Variants in TRMT9B observed in about 807,000 individuals in gnomAD.
The protein encoded by TRMT9B is tRNA methyltransferase 9B (putative).
In TRMT9B, 16 loss-of-function variants were observed where a neutral mutation model predicts 11.5. The ratio of observed to expected loss-of-function variants is 1.39; its 90% CI spans 0.94 to 2.11. The LOEUF (loss-of-function observed/expected upper bound fraction) is 2.11. Among genes scored for constraint, TRMT9B ranks in the 30% most tolerant of loss-of-function variants. TRMT9B has a pLI of 0.00. For missense variants in TRMT9B, 941 were observed against 553.8 expected (o/e 1.70, Z -7.02); for synonymous variants, 274 against 192.4 (o/e 1.42, Z -3.51).
At chr8:13,001,196 T>C (rs187075553) in intron 2 of TRMT9B, among the ~76,000 whole-genome samples, 1 of 152,318 alleles carries the variant, frequency 6.6e-6, no homozygotes, top group Admixed American at 6.5e-5. Flanking sequence ...CTCCAAGTGA[T>C]CACAACCAAC....
At chr8:13,011,566 A>G in intron 3 of TRMT9B, 1 of 932,440 alleles carries the variant, frequency 1.1e-6, no homozygotes, top group Non-Finnish European at 1.3e-6. Flanking sequence ...TCTGTGATAG[A>G]ATATAATACT....
intron 2 of TRMT9B, among the ~76,000 whole-genome samples, chr8:12,995,263 G>A (rs1339127662): frequency 6.6e-6 from 1 of 152,202 alleles, no homozygotes; most frequent in Non-Finnish European, 1.5e-5. Context: ...GCTGCAGTTA[G>A]AAGCAGTCAA....
chr8:13,007,709 G>C (rs1810743187), intron 3 of TRMT9B: 1 of 152,144 alleles, frequency 6.6e-6, no homozygotes. Flanking sequence ...ATCTAAGTAA[G>C]CCACGTACCA....
intron 1 of TRMT9B, among the ~76,000 whole-genome samples, chr8:12,972,025 C>G (rs978143513): frequency 5.9e-5 from 9 of 152,096 alleles, no homozygotes; most frequent in African/African-American, 1.9e-4. Context: ...ATGTTTTGCA[C>G]AATAGCGCAA....
chr8:12,991,798 G>A (rs1329310441), intron 2 of TRMT9B, among the ~76,000 whole-genome samples: 1 of 152,082 alleles, frequency 6.6e-6, no homozygotes, highest in Admixed American at 6.6e-5. Context: ...AGGCGTGGTG[G>A]TGGGCGCCTG....
chr8:12,949,021 C>T (rs1351014669), intron 1 of TRMT9B, among the ~76,000 whole-genome samples: 1 of 152,218 alleles, frequency 6.6e-6, no homozygotes, highest in South Asian at 2.1e-4. Context: ...TGTCTAATTT[C>T]TGTTGAGACT....
intron 1 of TRMT9B, among the ~76,000 whole-genome samples, chr8:12,987,438 C>G (rs187062103): frequency 6.6e-6 from 1 of 152,110 alleles, no homozygotes; most frequent in South Asian, 2.1e-4. Context: ...CTTCTGTAAT[C>G]CCAGCATTTC....
At chr8:13,018,830 C>T (rs1223181510) in intron 4 of TRMT9B, among the ~76,000 whole-genome samples, 2 of 152,030 alleles carry the variant, frequency 1.3e-5, no homozygotes, top group Admixed American at 1.3e-4. Context: ...CACAGTCTTC[C>T]AAGGCTTAGA....
At chr8:12,957,908 T>C (rs1044075788) in intron 1 of TRMT9B, among the ~76,000 whole-genome samples, 1 of 152,174 alleles carries the variant, frequency 6.6e-6, no homozygotes, top group Non-Finnish European at 1.5e-5. Context: ...TTTTATCTTC[T>C]CAAAGTGAAA....
intron 4 of TRMT9B, among the ~76,000 whole-genome samples, chr8:13,020,329 A>C (rs563104299): frequency 1.7e-4 from 26 of 152,370 alleles, no homozygotes; most frequent in African/African-American, 6.3e-4. Context: ...AGATAAAATT[A>C]TGCCTAATAA....
In TRMT9B at chr8:13,028,191, C is replaced by T. The variant is rs541428601; in HGVS notation, c.*6147C>T. The T allele has an allele frequency of 6.0e-6, 1 of 167,146 alleles. No individual in the cohort carries two copies. The highest frequency in any genetic ancestry group is 2.1e-4 in the South Asian group (1 of 4,824). The allele number at this position is 167,146 out of a possible 1,614,324, so 10.4% of individuals were successfully genotyped here. ...CTGTCCTCTTGTGGTGCGGGTCTTC[C>T]CCAGTTGATTATACACAGATAATCA... On this transcript the variant is annotated 3_prime_UTR_variant, in exon 5 of 5. Coordinates refer to ENST00000524591, the MANE Select transcript of TRMT9B (RefSeq NM_020844.3).
At chr8:12,955,449 A>AG (rs569881336) in intron 1 of TRMT9B, among the ~76,000 whole-genome samples, 175 of 151,972 alleles carry the variant, frequency 1.2e-3, no homozygotes, top group Non-Finnish European at 1.9e-3. Flanking sequence ...TTTTCTCTCT[A>AG]GGGGTCCCGA....
intron 1 of TRMT9B, among the ~76,000 whole-genome samples, chr8:12,984,067 G>C (rs1412641457): frequency 6.6e-6 from 1 of 152,202 alleles, no homozygotes; most frequent in Non-Finnish European, 1.5e-5. Flanking sequence ...CACATGGGTG[G>C]CTGAGATAGT....
chr8:12,994,150 G>A (rs1807906727), intron 2 of TRMT9B, among the ~76,000 whole-genome samples: 1 of 152,186 alleles, frequency 6.6e-6, no homozygotes, highest in African/African-American at 2.4e-5. Context: ...AGGAACAGAG[G>A]ATAAACAGAA....
chr8:12,954,943 C>G (rs562143499), intron 1 of TRMT9B, among the ~76,000 whole-genome samples: 32 of 152,292 alleles, frequency 2.1e-4, no homozygotes, highest in African/African-American at 7.0e-4. Context: ...ATAATGACAC[C>G]TCCCCAGGTG....
At chr8:13,001,274 T>C (rs986161768) in intron 2 of TRMT9B, among the ~76,000 whole-genome samples, 1 of 152,190 alleles carries the variant, frequency 6.6e-6, no homozygotes, top group Non-Finnish European at 1.5e-5. Flanking sequence ...GTCTCACCCA[T>C]GGACTGGTTC....
intron 4 of TRMT9B, 99 bp downstream of exon 4, chr8:13,012,956 C>A: frequency 1.5e-6 from 2 of 1,324,148 alleles, no homozygotes; most frequent in Non-Finnish European, 2.0e-6. Context: ...GTAGAAATGT[C>A]AATGTAATTT....
chr8:13,010,690 A>C, intron 3 of TRMT9B: 2 of 984,864 alleles, frequency 2.0e-6, no homozygotes, highest in Non-Finnish European at 2.4e-6. Flanking sequence ...TGATTTTATT[A>C]ATATCATTGA....
At chr8:12,952,929 G>T (rs199866427) in intron 1 of TRMT9B, among the ~76,000 whole-genome samples, 1 of 152,098 alleles carries the variant, frequency 6.6e-6, no homozygotes, top group Admixed American at 6.5e-5. Context: ...TACTAGAGAC[G>T]GGGTTTCACC....
Sources: allele counts gnomAD v4.1 joint callset (sites outside exome capture counted in the v4.1 genomes callset), GRCh38; gene constraint gnomAD v4.1.1; transcripts MANE v1.5; gene names NCBI Gene and HGNC (gene_info 2026-07-23, HGNC 2026-07-21).